Variants in ABCA4 observed in about 807,000 individuals in gnomAD.
ABCA4 encodes ATP binding cassette subfamily A member 4, also known as retinal-specific phospholipid-transporting ATPase ABCA4.
Under a neutral mutation model 263.7 loss-of-function variants are expected in ABCA4, and 196 were observed. The observed-to-expected ratio is 0.74, with a 90% CI of 0.66 to 0.84. The LOEUF (loss-of-function observed/expected upper bound fraction) is 0.84, where lower values mean the gene tolerates loss of function less well. Ranked by LOEUF, ABCA4 falls within the 40% of genes least tolerant of loss-of-function variation. ABCA4 has a pLI of 0.00. For missense variants in ABCA4, 2,792 were observed against 2,855.1 expected (o/e 0.98, Z 0.50); for synonymous variants, 1,133 against 1,094.2 (o/e 1.04, Z -0.70).
At chr1:94,115,464 A>G (rs767123356) in intron 1 of ABCA4, among the ~76,000 whole-genome samples, 2 of 151,990 alleles carry the variant, frequency 1.3e-5, no homozygotes, top group South Asian at 2.1e-4. Flanking sequence ...GGGACTGCTC[A>G]TTTTTCCTAC....
intron 5 of ABCA4, among the ~76,000 whole-genome samples, chr1:94,102,083 C>G (rs1360328767): frequency 6.6e-6 from 1 of 152,178 alleles, no homozygotes; most frequent in Non-Finnish European, 1.5e-5. Flanking sequence ...ACAAATCACC[C>G]CATCACCAGA....
At chr1:94,049,757 G>C (rs1226931350) in intron 17 of ABCA4, among the ~76,000 whole-genome samples, 1 of 152,084 alleles carries the variant, frequency 6.6e-6, no homozygotes, top group Non-Finnish European at 1.5e-5. Flanking sequence ...TTAACACCAG[G>C]GTTGAGCCTG....
At chr1:94,038,456 T>G (rs1660402530) in intron 24 of ABCA4, among the ~76,000 whole-genome samples, 1 of 152,176 alleles carries the variant, frequency 6.6e-6, no homozygotes, top group African/African-American at 2.4e-5. Context: ...GTTCTTTTCT[T>G]TTTTTGTTGT....
chr1:94,030,124 T>C (rs777557768), intron 29 of ABCA4, among the ~76,000 whole-genome samples: 9 of 152,202 alleles, frequency 5.9e-5, no homozygotes, highest in Non-Finnish European at 2.9e-5. Context: ...ATAACCCTAT[T>C]TCCCTCCCTC....
intron 6 of ABCA4, 63 bp downstream of exon 6, chr1:94,098,731 C>A: frequency 1.3e-6 from 2 of 1,582,082 alleles, no homozygotes; most frequent in South Asian, 2.2e-5. Flanking sequence ...AAGGTCAATT[C>A]GTGAGGCTCT....
At chr1:94,108,416 A>G (rs1662500574) in intron 4 of ABCA4, among the ~76,000 whole-genome samples, 161 bp downstream of exon 4, 1 of 152,176 alleles carries the variant, frequency 6.6e-6, no homozygotes, top group Non-Finnish European at 1.5e-5. Context: ...CTGTGGAGGA[A>G]GAGGCATCTT....
chr1:94,086,561 G>A (rs1262057879), intron 6 of ABCA4, among the ~76,000 whole-genome samples: 2 of 150,800 alleles, frequency 1.3e-5, no homozygotes, highest in East Asian at 3.9e-4. Flanking sequence ...TTTTTTTTAA[G>A]ACAACGAAGT....
intron 11 of ABCA4, among the ~76,000 whole-genome samples, chr1:94,063,707 C>A (rs950222992): frequency 6.6e-6 from 1 of 151,726 alleles, no homozygotes; most frequent in African/African-American, 2.4e-5. Context: ...GAAAGCCTGA[C>A]GATTAAAGAG....
intron 7 of ABCA4, among the ~76,000 whole-genome samples, chr1:94,083,064 T>G (rs1482188412): frequency 1.3e-5 from 2 of 152,248 alleles, no homozygotes; most frequent in Non-Finnish European, 2.9e-5. Context: ...AAGACTTAGA[T>G]TCAACTGTAA....
intron 6 of ABCA4, among the ~76,000 whole-genome samples, chr1:94,083,776 CAG>C (rs905989222): frequency 6.6e-6 from 1 of 152,166 alleles, no homozygotes; most frequent in Non-Finnish European, 1.5e-5. Context: ...GTGCAGCTGG[CAG>C]AGACTGAAGG....
chr1:94,119,662 C>T (rs1021426922), intron 1 of ABCA4, among the ~76,000 whole-genome samples: 3 of 152,144 alleles, frequency 2.0e-5, no homozygotes, highest in African/African-American at 7.2e-5. Flanking sequence ...CCTTGGTTCT[C>T]TCAGCCCTAG....
intron 6 of ABCA4, 133 bp from the exon 7 acceptor site, chr1:94,083,574 C>A: frequency 3.0e-6 from 2 of 670,584 alleles, no homozygotes; most frequent in South Asian, 2.0e-5. Context: ...ATCTTTTCTG[C>A]AAGATTACTT....
chr1:94,117,422 C>T lies in ABCA4; in HGVS notation c.66+3558G>A, dbSNP rs112981179. ...AAGGCCACAGCTGTCCCAGGTGCTC[C>T]AGGGTGTGGTGTCCAAAACATGATT... On this transcript the variant is annotated intron_variant, in intron 1 of 49. Transcript: ENST00000370225. 4.0e-3 allele frequency among the ~76,000 whole-genome samples: 612 copies of T among 152,132 alleles called. 4 individuals carry two copies. The highest frequency in any genetic ancestry group is 0.014 in the African/African-American group (584 of 41,490).
intron 1 of ABCA4, among the ~76,000 whole-genome samples, chr1:94,116,968 C>CTTTCTTTTTCTTTCTTTCTTTCTTTCTT (rs764312285): frequency 1.0e-5 from 1 of 99,940 alleles, no homozygotes; most frequent in African/African-American, 4.0e-5. Flanking sequence ...TTCTTTCTTT[C>CTTTCTTTTTCTTTCTTTCTTTCTTTCTT]TCTTTCTTTC....
chr1:94,007,827 G>T, intron 42 of ABCA4, 87 bp from the exon 43 acceptor site: 1 of 1,302,974 alleles, frequency 7.7e-7, no homozygotes. Flanking sequence ...GTGTGAGCTG[G>T]GGGAGGAATT....
chr1:94,003,641 T>C (rs1357641723), intron 44 of ABCA4, among the ~76,000 whole-genome samples: 1 of 152,164 alleles, frequency 6.6e-6, no homozygotes, highest in African/African-American at 2.4e-5. Flanking sequence ...ATTATATTAT[T>C]ATTATTTTAA....
rs75392260 is a variant in ABCA4 at position 94,079,864 on chromosome 1, G to C, written c.1100-403C>G. On this transcript the variant is annotated intron_variant, in intron 8 of 49. Transcript: ENST00000370225. ...CTTCAATTAGCTGCTTAGCTGCTTT[G>C]TTGTGTGTAGCTATCTTAGAGTCCA... is the stretch of plus-strand genomic sequence containing the variant. Among the ~76,000 whole-genome samples, 594 of 152,182 alleles carry C rather than the reference G, an allele frequency of 3.9e-3. 6 individuals carry two copies. The highest frequency in any genetic ancestry group is 0.014 in the African/African-American group (561 of 41,514).
At chr1:93,993,903 G>T (rs1160349780) in intron 49 of ABCA4, among the ~76,000 whole-genome samples, 1 of 152,116 alleles carries the variant, frequency 6.6e-6, no homozygotes, top group East Asian at 1.9e-4. Flanking sequence ...GGGCGAGGAG[G>T]GGACTGGACA....
chr1:94,077,273 T>C lies in ABCA4; in HGVS notation c.1554+417A>G, dbSNP rs1392096394. On this transcript the variant is annotated intron_variant, in intron 11 of 49. Coordinates refer to ENST00000370225, the MANE Select transcript of ABCA4 (RefSeq NM_000350.3). ...ATATGTTCTATGGGCAAGGAGAACA[T>C]ACAGTTTTTGGAGGGGACATGTTGA... 2.6e-5 allele frequency among the ~76,000 whole-genome samples: 4 copies of C among 152,156 alleles called. No individual in the cohort carries two copies. The East Asian group carries it at 7.7e-4, about 29-fold the overall frequency.
Sources: gnomAD v4.1 joint callset for allele counts (sites outside exome capture counted in the v4.1 genomes callset) on GRCh38, gnomAD v4.1.1 for gene constraint, MANE v1.5 for transcripts, NCBI Gene and HGNC (gene_info 2026-07-23, HGNC 2026-07-21) for gene names.